The following MYO1B variants were observed in gnomAD, a reference collection of about 807,000 sequenced individuals.
The protein encoded by MYO1B is myosin IB.
A neutral mutation model predicts 159.7 loss-of-function variants in MYO1B; 72 were observed. The ratio of observed to expected loss-of-function variants is 0.45; its 90% CI spans 0.37 to 0.55. The LOEUF (loss-of-function observed/expected upper bound fraction) is 0.55, where lower values mean the gene tolerates loss of function less well. Among genes scored for constraint, MYO1B ranks in the 20% least tolerant of loss-of-function variants. MYO1B has a pLI of 0.00. For synonymous variants in MYO1B, 468 were observed against 473.8 expected (o/e 0.99, Z 0.16); for missense variants, 1,062 against 1,364.8 (o/e 0.78, Z 3.50).
At chr2:191,336,615 T>A (rs144772641) in intron 4 of MYO1B, among the ~76,000 whole-genome samples, 8 of 152,154 alleles carry the variant, frequency 5.3e-5, no homozygotes, top group Admixed American at 2.6e-4. Flanking sequence ...GCAGGGCCCA[T>A]GCATTTAGTA....
At chr2:191,387,082 T>G in intron 16 of MYO1B, 142 bp from the exon 17 acceptor site, 2 of 741,612 alleles carry the variant, frequency 2.7e-6, no homozygotes, top group Non-Finnish European at 4.4e-6. Context: ...GAACTCATTA[T>G]GAGAGTGTGA....
At chr2:191,419,281 T>G (rs1170003066) in intron 30 of MYO1B, among the ~76,000 whole-genome samples, 2 of 152,038 alleles carry the variant, frequency 1.3e-5, no homozygotes, top group South Asian at 2.1e-4. Flanking sequence ...TGCAGTGGCG[T>G]GATCTCGGCT....
At chr2:191,255,491 A>G (rs1215366446) in intron 1 of MYO1B, among the ~76,000 whole-genome samples, 2 of 152,168 alleles carry the variant, frequency 1.3e-5, no homozygotes, top group Non-Finnish European at 2.9e-5. Flanking sequence ...AAGAATGAGG[A>G]GGATGGAAGA....
chr2:191,295,050 G>T (rs765345308), intron 2 of MYO1B, among the ~76,000 whole-genome samples: 4 of 152,114 alleles, frequency 2.6e-5, no homozygotes, highest in Non-Finnish European at 4.4e-5. Context: ...GGAAGTTGGA[G>T]ATCTTTTTTT....
At chr2:191,314,264 T>G (rs1690208314) in intron 3 of MYO1B, among the ~76,000 whole-genome samples, 1 of 152,262 alleles carries the variant, frequency 6.6e-6, no homozygotes, top group African/African-American at 2.4e-5. Flanking sequence ...GTTACTTTTT[T>G]TCTTTCACAC....
At chr2:191,360,546 GAAAA>G in intron 7 of MYO1B, 81 bp from the exon 8 acceptor site, 1 of 827,212 alleles carries the variant, frequency 1.2e-6, no homozygotes. Flanking sequence ...AGAATAGAAA[GAAAA>G]AAGAAAGTGA....
intron 22 of MYO1B, 136 bp downstream of exon 22, chr2:191,400,604 C>T: frequency 7.5e-7 from 1 of 1,341,608 alleles, no homozygotes; most frequent in South Asian, 1.3e-5. Context: ...CTCTTTCCAA[C>T]ATTTTGTTGT....
intron 3 of MYO1B, among the ~76,000 whole-genome samples, chr2:191,306,491 G>C (rs939320979): frequency 1.3e-5 from 2 of 152,130 alleles, no homozygotes; most frequent in Admixed American, 1.3e-4. Flanking sequence ...GGAGGAGAGA[G>C]AATATGAGCC....
Position 191,374,730 on chromosome 2 carries a change from GA to G in MYO1B, c.1185+4446del, listed in dbSNP as rs367901963. ...GTGAAGTGAATTAAAATGCATAGAG[GA>G]AAAAAAATCTAGCTGTACATCCTGG... is the stretch of plus-strand genomic sequence containing the variant. On this transcript the variant is annotated intron_variant, in intron 13 of 30. Transcript: ENST00000392318. Among the ~76,000 whole-genome samples, 895 of 151,776 alleles carry G rather than the reference GA, an allele frequency of 5.9e-3. 6 individuals carry two copies. Among genetic ancestry groups the G allele is most frequent in the Middle Eastern group, 0.024 (7 of 294 alleles).
chr2:191,287,487 G>A (rs1005965460), intron 2 of MYO1B, among the ~76,000 whole-genome samples: 2 of 151,396 alleles, frequency 1.3e-5, no homozygotes, highest in Admixed American at 6.6e-5. Context: ...CCAAGATCGC[G>A]CCATTGTACT....
At position 191,337,054 on chromosome 2, in the gene MYO1B, A is replaced by C. The variant is rs568592988; in HGVS notation, c.347-4407A>C. Among the ~76,000 whole-genome samples, 11 of 152,332 alleles carry C rather than the reference A, an allele frequency of 7.2e-5. No homozygotes were observed. The South Asian group carries it at 2.3e-3, about 32-fold the overall frequency. Reference sequence around the variant, plus strand: ...AATTTATTAGAAGCTCTGTGAAAAAAGTGCACAATAATCCTTGCCTATTCT... The same window carrying C: ...AATTTATTAGAAGCTCTGTGAAAAACGTGCACAATAATCCTTGCCTATTCT... On this transcript the variant is annotated intron_variant, in intron 4 of 30. Coordinates refer to ENST00000392318, the MANE Select transcript of MYO1B (RefSeq NM_001130158.3).
rs373849591 is a variant in MYO1B, at chr2:191,364,237, C to A, written c.993C>A (p.Ala331=). The change falls in exon 11 of 31, where the codon GCC becomes GCA. Residue 331 remains alanine (A), a synonymous_variant. Coordinates refer to ENST00000392318, the MANE Select transcript of MYO1B (RefSeq NM_001130158.3). ...ERAFSFRTVE[A]KQEKVSTTLN... The stretch of plus-strand genomic sequence containing the variant: ...CATTCAGTTTCCGAACAGTTGAGGC[C>A]AAACAGGAGAAAGTTTCAACTACAC... 17 of 1,613,808 alleles carry A rather than the reference C, an allele frequency of 1.1e-5. No homozygotes were observed. The African/African-American group carries it at 1.9e-4, about 18-fold the overall frequency.
chr2:191,404,367 C>T (rs1157467567), intron 24 of MYO1B, among the ~76,000 whole-genome samples: 2 of 152,106 alleles, frequency 1.3e-5, no homozygotes, highest in African/African-American at 2.4e-5. Flanking sequence ...TTATGAGGCT[C>T]AACTAAATAT....
chr2:191,411,313 A>T, intron 27 of MYO1B, 141 bp downstream of exon 27: 1 of 560,812 alleles, frequency 1.8e-6, no homozygotes, highest in Non-Finnish European at 3.2e-6. Flanking sequence ...AATCAGCTTG[A>T]TGTAAACACA....
chr2:191,415,903 G>A (rs1046190793), intron 29 of MYO1B, among the ~76,000 whole-genome samples: 6 of 152,126 alleles, frequency 3.9e-5, no homozygotes, highest in South Asian at 2.1e-4. Context: ...TGCATCCACC[G>A]ACTTTAGGTA....
chr2:191,393,191 T>C lies in MYO1B; in HGVS notation c.2195T>C (p.Ile732Thr), dbSNP rs761397514. The C allele has an allele frequency of 1.1e-5, 18 of 1,613,952 alleles. No individual in the cohort carries two copies. In the East Asian group the frequency reaches 2.7e-4, roughly 24 times the overall value. Residue 732 changes from isoleucine to threonine, a missense_variant, in exon 20 of 31, where the codon ATT (isoleucine) becomes ACT (threonine). Coordinates refer to ENST00000392318, the MANE Select transcript of MYO1B (RefSeq NM_001130158.3). ...TTCCTGCTAATGAAAAAAAGCCAAA[T>C]TGTGATTGCCGCCTGGTACAGGAGA... ...THFLLMKKSQ[I>T]VIAAWYRRYA...
intron 1 of MYO1B, among the ~76,000 whole-genome samples, chr2:191,249,263 G>A (rs1383964153): frequency 6.6e-6 from 1 of 152,216 alleles, no homozygotes; most frequent in Non-Finnish European, 1.5e-5. Context: ...TTATAAAGAG[G>A]AAGTGGGACA....
At chr2:191,351,886 A>AAAAT (rs938447521) in intron 7 of MYO1B, among the ~76,000 whole-genome samples, 20 of 152,184 alleles carry the variant, frequency 1.3e-4, no homozygotes, top group South Asian at 2.1e-4. Context: ...CCCCATCTCA[A>AAAAT]AAATAAATAA....
intron 21 of MYO1B, among the ~76,000 whole-genome samples, chr2:191,397,487 T>A (rs913778934): frequency 6.6e-6 from 1 of 152,060 alleles, no homozygotes; most frequent in Non-Finnish European, 1.5e-5. Context: ...CAGCACACGT[T>A]TCAGAGAGCA....
Sources: gnomAD v4.1 joint callset for allele counts (sites outside exome capture counted in the v4.1 genomes callset) on GRCh38, gnomAD v4.1.1 for gene constraint, MANE v1.5 for transcripts, NCBI Gene and HGNC (gene_info 2026-07-23, HGNC 2026-07-21) for gene names.